Variants in NCL observed in about 807,000 individuals in gnomAD.
The protein encoded by NCL is nucleolin multifunctional protein.
In NCL, 4 loss-of-function variants were observed where a neutral mutation model predicts 77.7. That is an observed-to-expected ratio of 0.05 (90% CI 0.03 to 0.12). The LOEUF (loss-of-function observed/expected upper bound fraction) is 0.12, where lower values mean the gene tolerates loss of function less well. NCL is among the 10% of genes least tolerant of loss of function. The pLI, the probability that NCL is intolerant of heterozygous loss-of-function variation, is 1.00. For synonymous variants in NCL, 344 were observed against 297.8 expected (o/e 1.16, Z -1.60); for missense variants, 763 against 860.9 (o/e 0.89, Z 1.42).
chr2:231,458,164 C>T, intron 8 of NCL, 102 bp downstream of exon 8: 2 of 1,476,054 alleles, frequency 1.4e-6, no homozygotes, highest in South Asian at 1.3e-5. Context: ...TTAAACTGTC[C>T]AAGATTACAC....
At chr2:231,464,007 GC>G in intron 1 of NCL, 1 of 765,994 alleles carries the variant, frequency 1.3e-6, no homozygotes, top group Non-Finnish European at 1.7e-6. Context: ...GCGCTCCCGG[GC>G]ACGTGCGTCA....
intron 2 of NCL, chr2:231,462,504 T>G (rs1559542939): frequency 2.0e-6 from 1 of 499,918 alleles, no homozygotes; most frequent in East Asian, 5.6e-5. Flanking sequence ...AGGCTAAATA[T>G]AAATATTCCT....
rs1263200756 is a variant in NCL, at chr2:231,460,878, G to T, written c.614-12C>A. On this transcript the variant is annotated splice_polypyrimidine_tract_variant and intron_variant, in intron 3 of 13. Coordinates refer to ENST00000322723, the MANE Select transcript of NCL (RefSeq NM_005381.3). ...TTCTTCTTCAGAGTCTGAAAGAGAA[G>T]TCACCTAAAAATTGCAGCAATCTCC... The T allele has an allele frequency of 6.2e-7, 1 of 1,609,654 alleles. No individual in the cohort carries two copies. The highest frequency in any genetic ancestry group is 8.5e-7 in the Non-Finnish European group (1 of 1,176,544).
In NCL at chr2:231,456,280, T is replaced by C. The variant is rs556504062; in HGVS notation, c.1706-144A>G. The C allele has an allele frequency of 1.3e-5, 14 of 1,067,296 alleles. No homozygotes were observed. In the African/African-American group the frequency reaches 2.2e-4, roughly 17 times the overall value. 66.1% of individuals were successfully genotyped at this position (1,067,296 alleles called of 1,614,324 possible). On this transcript the variant is annotated intron_variant, in intron 11 of 13. Coordinates refer to ENST00000322723, the MANE Select transcript of NCL (RefSeq NM_005381.3). ...AGCAACTAAGCCAACTAGTCCTTAA[T>C]TAAAGTAAAGGCTATTCTGGGTTTA...
At chr2:231,458,034 T>A (rs1026893452) in intron 8 of NCL, among the ~76,000 whole-genome samples, 16 of 152,262 alleles carry the variant, frequency 1.1e-4, no homozygotes, top group Admixed American at 2.0e-4. Context: ...TTACAAAGTA[T>A]TTATTGTAAG....
chr2:231,456,240 G>T, intron 11 of NCL, 104 bp from the exon 12 acceptor site: 1 of 1,463,724 alleles, frequency 6.8e-7, no homozygotes, highest in South Asian at 1.3e-5. Context: ...TTGTTATAGT[G>T]AAAAAGCAGT....
rs746759810 is a variant in NCL at position 231,455,003 on chromosome 2, A to G, written c.*188T>C. ...TATCACTCAACTCTTTAAAAAGTTTATATGAATATCCAGTCAAAACCAACA... is the reference window on the plus strand; with the variant it reads ...TATCACTCAACTCTTTAAAAAGTTTGTATGAATATCCAGTCAAAACCAACA... On this transcript the variant is annotated 3_prime_UTR_variant, in exon 14 of 14. Transcript: ENST00000322723. 33 of 594,844 alleles carry G rather than the reference A, an allele frequency of 5.5e-5. No individual in the cohort carries two copies. The highest frequency in any genetic ancestry group is 8.9e-5 in the Admixed American group (3 of 33,778). 36.8% of individuals were successfully genotyped at this position (594,844 alleles called of 1,614,324 possible). A position where few individuals can be genotyped will look rare whatever the true frequency, so the allele number is the denominator to read the frequency against.
At chr2:231,457,916 T>C (rs2125634539) in intron 8 of NCL, 116 bp from the exon 9 acceptor site, 3 of 974,172 alleles carry the variant, frequency 3.1e-6, no homozygotes, top group Non-Finnish European at 4.2e-6. Flanking sequence ...CTTAGTTTTA[T>C]GCCACTTTTC....
In NCL at chr2:231,455,270, A is replaced by C; in HGVS notation, c.2057-3T>G. ...GCCTCCTCGGAAGCCTCCTCGCCCT[A>C]CAGGAGGAAGGCAAGACACTGTTAA... On this transcript the variant is annotated splice_polypyrimidine_tract_variant and splice_region_variant and intron_variant, in intron 13 of 13. Transcript: ENST00000322723. 1 of 1,614,046 alleles carries C rather than the reference A, an allele frequency of 6.2e-7. No individual in the cohort carries two copies. The highest frequency in any genetic ancestry group is 8.5e-7 in the Non-Finnish European group (1 of 1,179,994).
chr2:231,457,287 T>G (rs2046900353), intron 9 of NCL, 163 bp from the exon 10 acceptor site: 1 of 988,834 alleles, frequency 1.0e-6, no homozygotes, highest in South Asian at 1.4e-5. Context: ...ATTAAGTACC[T>G]AGTACGTGTT....
chr2:231,454,902 C>CTATT lies in NCL; in HGVS notation c.*285_*288dup, dbSNP rs2046869223. The CTATT allele has an allele frequency of 4.2e-6, 1 of 238,230 alleles. No individual in the cohort carries two copies. Among genetic ancestry groups the CTATT allele is most frequent in the Non-Finnish European group, 8.0e-6 (1 of 125,050 alleles). The allele number at this position is 238,230 out of a possible 1,614,324, so 14.8% of individuals were successfully genotyped here. A position where few individuals can be genotyped will look rare whatever the true frequency, so the allele number is the denominator to read the frequency against. On this transcript the variant is annotated 3_prime_UTR_variant, in exon 14 of 14. Transcript: ENST00000322723. ...AAAAGAAACAACAACAAAACCCAAA[C>CTATT]TATTTGTAGGAAAAAATGGTTTTGT...
chr2:231,456,934 C>T lies in NCL; in HGVS notation c.1571+67G>A, dbSNP rs995017060. ...GGCTTTTCTGACAGGATCACATGAC[C>T]TTACGTTCCTTTAGACCTCTAAGAC... On this transcript the variant is annotated intron_variant, in intron 10 of 13. Transcript: ENST00000322723. 7 of 1,584,768 alleles carry T rather than the reference C, an allele frequency of 4.4e-6. No individual in the cohort carries two copies. In the Admixed American group the frequency reaches 5.4e-5, roughly 12 times the overall value.
intron 11 of NCL, chr2:231,456,427 ACT>A (rs2046888748): frequency 2.8e-6 from 3 of 1,061,164 alleles, no homozygotes; most frequent in Non-Finnish European, 4.4e-6. Context: ...CAAACTTGCT[ACT>A]CTGAGTTGAC....
chr2:231,464,121 C>T, intron 1 of NCL: 1 of 1,378,660 alleles, frequency 7.3e-7, no homozygotes, highest in East Asian at 2.6e-5. Context: ...GTCTTTCCCG[C>T]CGCGTTCGCC....
At chr2:231,463,705 AT>A in intron 1 of NCL, 1 of 193,406 alleles carries the variant, frequency 5.2e-6, no homozygotes. Context: ...GACTACCTTG[AT>A]TTTCTCATGA....
Position 231,460,250 on chromosome 2 carries a change from T to C in NCL, c.942A>G (p.Leu314=), listed in dbSNP as rs1488315081. 6.2e-7 allele frequency: 1 copy of C among 1,614,016 alleles called. No homozygotes were observed. Among genetic ancestry groups the C allele is most frequent in the South Asian group, 1.1e-5 (1 of 91,030 alleles). ...ATTCAGGAGCAGATTTGTTAAAGTT[T>C]AGGTTTCCAACAAAGAGATTGAAAG... ...TTAFNLFVGN[L]NFNKSAPELK... Residue 314 remains leucine, a synonymous_variant, in exon 6 of 14, where the codon CTA becomes CTG. Coordinates refer to ENST00000322723, the MANE Select transcript of NCL (RefSeq NM_005381.3).
chr2:231,462,824 T>A (rs545108506), intron 2 of NCL, among the ~76,000 whole-genome samples: 1 of 152,214 alleles, frequency 6.6e-6, no homozygotes, highest in Non-Finnish European at 1.5e-5. Context: ...TGGAGACCAA[T>A]TAATTTTAAT....
In NCL at chr2:231,460,563, C is replaced by G. The variant is rs545921865; in HGVS notation, c.813G>C (p.Glu271Asp). The change falls in exon 5 of 14, where the codon GAG becomes GAC. Residue 271 changes from glutamate to aspartate, a missense_variant and splice_region_variant. Physicochemically the swap from Glu to Asp is conservative, Grantham distance 45. Around this residue, in one of 2 missense-constraint regions of NCL, gnomAD observed 590 missense variants for 570.5 expected, o/e 1.03. Coordinates refer to ENST00000322723, the MANE Select transcript of NCL (RefSeq NM_005381.3). Reference protein sequence around the residue: ...DEEEEEEEEEEPVKEAPGKRK... With the variant: ...DEEEEEEEEEDPVKEAPGKRK... Reference sequence around the variant, plus strand: ...GTTTTCCAGGTGCTTCTTTGACAGGCTCTGGACAAGATGTCAAACAATGTA... The same window carrying G: ...GTTTTCCAGGTGCTTCTTTGACAGGGTCTGGACAAGATGTCAAACAATGTA... 1 of 1,614,174 alleles carries G rather than the reference C, an allele frequency of 6.2e-7. No homozygotes were observed. Among genetic ancestry groups the G allele is most frequent in the East Asian group, 2.2e-5 (1 of 44,888 alleles).
chr2:231,462,586 C>A (rs2046962802), intron 2 of NCL: 1 of 513,390 alleles, frequency 1.9e-6, no homozygotes. Flanking sequence ...ACATTAAAAT[C>A]CCGTAGTTTT....
Sources: gnomAD v4.1 joint callset for allele counts (sites outside exome capture counted in the v4.1 genomes callset) on GRCh38, gnomAD v4.1.1 for gene constraint, gnomAD v4.1.1 regional missense constraint, MANE v1.5 for transcripts, NCBI Gene and HGNC (gene_info 2026-07-23, HGNC 2026-07-21) for gene names.